DGKB: variants seen among roughly 807,000 people sequenced by gnomAD.
The protein encoded by DGKB is 90 kDa diacylglycerol kinase.
In DGKB, 67 loss-of-function variants were observed where a neutral mutation model predicts 114.3. That is an observed-to-expected ratio of 0.59 (90% CI 0.48 to 0.72). DGKB has a LOEUF of 0.72. Among genes scored for constraint, DGKB ranks in the 30% least tolerant of loss-of-function variants. The probability of loss-of-function intolerance (pLI) is 0.00; values close to 1 mark genes in which losing one functional copy is unlikely to be tolerated. For missense variants in DGKB, 907 were observed against 975.2 expected (o/e 0.93, Z 0.93); for synonymous variants, 398 against 323.1 (o/e 1.23, Z -2.49).
intron 1 of DGKB, among the ~76,000 whole-genome samples, chr7:14,870,722 G>A (rs1402142567): frequency 6.6e-6 from 1 of 152,150 alleles, no homozygotes; most frequent in Non-Finnish European, 1.5e-5. Flanking sequence ...TTGAACCCAG[G>A]AGGGGGAGGT....
intron 25 of DGKB, among the ~76,000 whole-genome samples, chr7:14,157,102 C>T (rs1295208224): frequency 6.6e-6 from 1 of 152,038 alleles, no homozygotes; most frequent in Non-Finnish European, 1.5e-5. Context: ...TATTCAGCTA[C>T]CTTAAAAATG....
chr7:14,805,038 T>C (rs1266441628), intron 2 of DGKB, among the ~76,000 whole-genome samples: 1 of 152,144 alleles, frequency 6.6e-6, no homozygotes, highest in Non-Finnish European at 1.5e-5. Flanking sequence ...TGTGCTTTGA[T>C]GTTTTAGGCA....
chr7:14,682,090 C>A (rs1820934969), intron 12 of DGKB, among the ~76,000 whole-genome samples: 1 of 152,058 alleles, frequency 6.6e-6, no homozygotes, highest in African/African-American at 2.4e-5. Context: ...GTACTTAAAT[C>A]ATTGAAGCTC....
intron 20 of DGKB, among the ~76,000 whole-genome samples, chr7:14,519,454 A>T (rs1371609891): frequency 2.0e-5 from 3 of 152,130 alleles, no homozygotes; most frequent in Non-Finnish European, 4.4e-5. Flanking sequence ...ACTAAATTTT[A>T]CAGGTAAACT....
rs1192703466 is a variant in DGKB at position 14,718,660 on chromosome 7, G to A, written c.348C>T (p.Ile116=). The change falls in exon 6 of 26, where the codon ATC becomes ATT. Residue 116 remains isoleucine, a synonymous_variant. Coordinates refer to ENST00000402815, the MANE Select transcript of DGKB (RefSeq NM_001350709.2). ...CAGGAGAAGTAGTCCGGGGAGGGGT[G>A]ATGGCACCTTTATTCATTCTCAGAC... is the stretch of plus-strand genomic sequence containing the variant. ...SGGLRMNKGA[I]TPPRTTSPAN... The A allele has an allele frequency of 6.2e-7, 1 of 1,610,674 alleles. No individual in the cohort carries two copies. Among genetic ancestry groups the A allele is most frequent in the Non-Finnish European group, 8.5e-7 (1 of 1,178,192 alleles).
chr7:14,535,990 C>A (rs578233837), intron 20 of DGKB, among the ~76,000 whole-genome samples: 1 of 151,918 alleles, frequency 6.6e-6, no homozygotes, highest in East Asian at 1.9e-4. Context: ...ACAACCAACG[C>A]CACAGAAATA....
chr7:14,210,243 G>C (rs764154319), intron 23 of DGKB, among the ~76,000 whole-genome samples: 15 of 152,032 alleles, frequency 9.9e-5, no homozygotes, highest in Non-Finnish European at 2.1e-4. Flanking sequence ...GTGGTGCAAT[G>C]GCCAAGCAAG....
intron 23 of DGKB, among the ~76,000 whole-genome samples, chr7:14,275,676 G>A (rs1798890277): frequency 6.6e-6 from 1 of 152,158 alleles, no homozygotes; most frequent in Non-Finnish European, 1.5e-5. Flanking sequence ...AACAAATACT[G>A]TCTTTAAACA....
intron 21 of DGKB, among the ~76,000 whole-genome samples, chr7:14,387,111 T>G (rs1051653404): frequency 1.4e-5 from 2 of 145,906 alleles, no homozygotes; most frequent in Admixed American, 1.4e-4. Context: ...TTTATTTATT[T>G]ATTTATTTAT....
intron 9 of DGKB, among the ~76,000 whole-genome samples, chr7:14,691,045 T>A (rs1822768273): frequency 6.6e-6 from 1 of 152,200 alleles, no homozygotes; most frequent in Non-Finnish European, 1.5e-5. Context: ...TGCTATTTGG[T>A]ATAGAATCTG....
At chr7:14,214,499 AATATT>A (rs1788644511) in intron 23 of DGKB, among the ~76,000 whole-genome samples, 1 of 152,098 alleles carries the variant, frequency 6.6e-6, no homozygotes. Context: ...AATATATGTA[AATATT>A]ATATGGTACT....
intron 1 of DGKB, among the ~76,000 whole-genome samples, chr7:14,964,119 CAGTTG>C (rs1787019184): frequency 6.7e-6 from 1 of 149,152 alleles, no homozygotes; most frequent in Admixed American, 6.7e-5. Flanking sequence ...ATCTCCTTAT[CAGTTG>C]AGTTATGAGT....
intron 2 of DGKB, among the ~76,000 whole-genome samples, chr7:14,813,302 A>C (rs1586678947): frequency 6.6e-6 from 1 of 152,352 alleles, no homozygotes; most frequent in South Asian, 2.1e-4. Flanking sequence ...TTTTACTTCA[A>C]CTTCAATAAA....
At chr7:14,721,646 T>C (rs1261760133) in intron 5 of DGKB, among the ~76,000 whole-genome samples, 1 of 152,166 alleles carries the variant, frequency 6.6e-6, no homozygotes, top group Non-Finnish European at 1.5e-5. Context: ...AGCTTAAAGC[T>C]TATATAAAAG....
chr7:14,957,448 G>C (rs911869861), intron 1 of DGKB, among the ~76,000 whole-genome samples: 2 of 152,020 alleles, frequency 1.3e-5, no homozygotes, highest in Non-Finnish European at 2.9e-5. Context: ...AGGTACAAAA[G>C]AGCATGATAA....
At chr7:14,955,653 A>G (rs1461212864) in intron 1 of DGKB, among the ~76,000 whole-genome samples, 1 of 152,056 alleles carries the variant, frequency 6.6e-6, no homozygotes, top group Non-Finnish European at 1.5e-5. Context: ...TAGCTGAAAG[A>G]ATAGAAAGAA....
intron 20 of DGKB, among the ~76,000 whole-genome samples, chr7:14,489,253 T>C (rs1334891863): frequency 1.3e-5 from 2 of 152,316 alleles, no homozygotes; most frequent in East Asian, 1.9e-4. Context: ...TAAACTTATA[T>C]AGCTAAGATA....
chr7:14,660,494 A>G (rs1239614278), intron 13 of DGKB, among the ~76,000 whole-genome samples: 1 of 151,992 alleles, frequency 6.6e-6, no homozygotes, highest in Non-Finnish European at 1.5e-5. Flanking sequence ...TAGATTTTCT[A>G]GTTTATTTGC....
intron 23 of DGKB, among the ~76,000 whole-genome samples, chr7:14,244,844 C>T (rs1394860214): frequency 6.6e-6 from 1 of 152,004 alleles, no homozygotes; most frequent in African/African-American, 2.4e-5. Flanking sequence ...CCTCACTAGA[C>T]ACCAAATATA....
Sources: allele counts gnomAD v4.1 joint callset (sites outside exome capture counted in the v4.1 genomes callset), GRCh38; gene constraint gnomAD v4.1.1; transcripts MANE v1.5; gene names NCBI Gene and HGNC (gene_info 2026-07-23, HGNC 2026-07-21).